The following ARVCF variants were observed in gnomAD, a reference collection of about 807,000 sequenced individuals.
ARVCF encodes splicing regulator ARVCF.
A neutral mutation model predicts 90.9 loss-of-function variants in ARVCF; 66 were observed. That is an observed-to-expected ratio of 0.73 (90% CI 0.60 to 0.89). The LOEUF (loss-of-function observed/expected upper bound fraction) is 0.89. Ranked by LOEUF, ARVCF falls within the 40% of genes least tolerant of loss-of-function variation. The pLI is 0.00. For synonymous variants in ARVCF, 653 were observed against 603.4 expected (o/e 1.08, Z -1.21); for missense variants, 1,469 against 1,382.3 (o/e 1.06, Z -1.00).
intron 2 of ARVCF, among the ~76,000 whole-genome samples, chr22:20,004,992 TAG>T (rs1274963524): frequency 6.6e-6 from 1 of 152,184 alleles, no homozygotes; most frequent in Non-Finnish European, 1.5e-5. Context: ...AATGATATCT[TAG>T]ATAAGATACC....
At chr22:19,986,585 A>C (rs1457766154) in intron 3 of ARVCF, 9 of 153,892 alleles carry the variant, frequency 5.8e-5, no homozygotes, top group African/African-American at 2.2e-4. Context: ...AGGTCCCGGG[A>C]GTCAGAGCCG....
chr22:19,967,564 G>T, downstream of ARVCF: 1 of 368,836 alleles, frequency 2.7e-6, no homozygotes, highest in South Asian at 2.1e-5. Context: ...GGAAACGACC[G>T]CCACCCACCA....
chr22:20,013,321 T>C (rs1008710727), intron 1 of ARVCF, among the ~76,000 whole-genome samples: 1 of 152,232 alleles, frequency 6.6e-6, no homozygotes, highest in African/African-American at 2.4e-5. Context: ...ACTGCACTTT[T>C]GGGGCTACGC....
At chr22:19,994,010 G>A (rs1944128389) in intron 2 of ARVCF, among the ~76,000 whole-genome samples, 3 of 152,190 alleles carry the variant, frequency 2.0e-5, no homozygotes, top group Admixed American at 6.5e-5. Context: ...CATGGCAGGA[G>A]AAGAGGGTGG....
Position 19,973,322 on chromosome 22 carries a change from G to A in ARVCF, c.2240-5C>T, listed in dbSNP as rs1256230261. On this transcript the variant is annotated splice_region_variant and splice_polypyrimidine_tract_variant and intron_variant, in intron 13 of 19. Coordinates refer to ENST00000263207, the MANE Select transcript of ARVCF (RefSeq NM_001670.3). Reference sequence around the variant, plus strand: ...GCTCAGCCATGGCGTAGCTCCCTGAGGGGCAGGACTAGGTGTCAGAACACA... The same window carrying A: ...GCTCAGCCATGGCGTAGCTCCCTGAAGGGCAGGACTAGGTGTCAGAACACA... 2 of 1,590,998 alleles carry A rather than the reference G, an allele frequency of 1.3e-6. No individual in the cohort carries two copies. Among genetic ancestry groups the A allele is most frequent in the East Asian group, 2.3e-5 (1 of 44,176 alleles).
chr22:20,006,493 G>GGT lies in ARVCF; in HGVS notation c.-19+3960_-19+3961dup, dbSNP rs1944631065. Among the ~76,000 whole-genome samples the GGT allele has an allele frequency of 4.0e-5, 6 of 148,602 alleles. No individual in the cohort carries two copies. The South Asian group carries it at 1.1e-3, about 27-fold the overall frequency. ...ACTTGGGAGGCTGAGGCAGGAGAATGGTGTGAACCCAGGAGGCGGAGCTTG... is the reference window on the plus strand; with the variant it reads ...ACTTGGGAGGCTGAGGCAGGAGAATGGTGTGTGAACCCAGGAGGCGGAGCTTG... On this transcript the variant is annotated intron_variant, in intron 2 of 19. Transcript: ENST00000263207.
intron 2 of ARVCF, among the ~76,000 whole-genome samples, chr22:20,000,168 T>C (rs887529932): frequency 1.3e-5 from 2 of 152,212 alleles, no homozygotes; most frequent in Non-Finnish European, 2.9e-5. Flanking sequence ...GAGCCCACCC[T>C]GTCATATGCA....
chr22:19,991,863 C>T (rs557022939), intron 2 of ARVCF, among the ~76,000 whole-genome samples: 3 of 152,370 alleles, frequency 2.0e-5, no homozygotes, highest in South Asian at 2.1e-4. Context: ...TGAGCATGGC[C>T]GGGTGCCCAG....
Position 19,972,843 on chromosome 22 carries a change from C to CA in ARVCF, c.2551-17dup, listed in dbSNP as rs1334570470. The CA allele has an allele frequency of 6.2e-7, 1 of 1,613,596 alleles. No homozygotes were observed. Among genetic ancestry groups the CA allele is most frequent in the Non-Finnish European group, 8.5e-7 (1 of 1,179,790 alleles). ...CAGCAGCTGACTGAGACATAAAACACAGACACAGGGTGGGTGAAGCACATG... is the reference window on the plus strand; with the variant it reads ...CAGCAGCTGACTGAGACATAAAACACAAGACACAGGGTGGGTGAAGCACATG... On this transcript the variant is annotated splice_polypyrimidine_tract_variant and intron_variant, in intron 15 of 19. Coordinates refer to ENST00000263207, the MANE Select transcript of ARVCF (RefSeq NM_001670.3).
chr22:19,968,746 CG>C (rs755852074), downstream of ARVCF: 15 of 1,608,056 alleles, frequency 9.3e-6, no homozygotes, highest in Admixed American at 2.3e-4. Context: ...ACTGCCCCCC[CG>C]GCCCCCCTCT....
intron 2 of ARVCF, among the ~76,000 whole-genome samples, chr22:20,000,267 G>A (rs932128643): frequency 3.9e-5 from 6 of 152,220 alleles, no homozygotes; most frequent in African/African-American, 1.4e-4. Flanking sequence ...GGTGCCTGGG[G>A]CACCGCTCAT....
intron 11 of ARVCF, 90 bp from the exon 12 acceptor site, chr22:19,974,329 G>C: frequency 1.4e-6 from 2 of 1,440,020 alleles, no homozygotes; most frequent in Non-Finnish European, 1.8e-6. Flanking sequence ...AGCTCCCAGG[G>C]CGTGGGTGAG....
chr22:19,973,461 A>C (rs1942962357), intron 13 of ARVCF, 144 bp from the exon 14 acceptor site: 1 of 1,323,888 alleles, frequency 7.6e-7, no homozygotes, highest in African/African-American at 1.5e-5. Context: ...CCCTGTGAGC[A>C]GGGCGCTGAG....
chr22:20,006,720 C>T (rs540156578), intron 2 of ARVCF, among the ~76,000 whole-genome samples: 1 of 151,658 alleles, frequency 6.6e-6, no homozygotes, highest in South Asian at 2.1e-4. Context: ...CAACTTCCGC[C>T]TCCTGGGTTC....
intron 2 of ARVCF, among the ~76,000 whole-genome samples, chr22:19,995,058 T>C (rs1944193483): frequency 6.6e-6 from 1 of 151,412 alleles, no homozygotes; most frequent in South Asian, 2.1e-4. Context: ...GGTTTACAGA[T>C]GAATGGATGG....
At chr22:19,978,860 T>A in intron 7 of ARVCF, 37 bp downstream of exon 7, 1 of 1,584,010 alleles carries the variant, frequency 6.3e-7, no homozygotes, top group East Asian at 2.3e-5. Context: ...CGGGGCCTGG[T>A]GTGCATGTGG....
Position 19,979,977 on chromosome 22 carries a change from C to T in ARVCF, c.1162G>A (p.Glu388Lys). The T allele has an allele frequency of 6.3e-7, 1 of 1,596,196 alleles. No homozygotes were observed. The highest frequency in any genetic ancestry group is 1.1e-5 in the South Asian group (1 of 88,890). ...ACACGCCGCTTGACACCCTCGTTCTCAAAGCACAGATGCTGCAGGTAGGCG... is the reference window on the plus strand; with the variant it reads ...ACACGCCGCTTGACACCCTCGTTCTTAAAGCACAGATGCTGCAGGTAGGCG... Reference protein sequence around the residue: ...AAAYLQHLCFENEGVKRRVRQ... With the variant: ...AAAYLQHLCFKNEGVKRRVRQ... Residue 388 changes from glutamate (E) to lysine (K), a missense_variant, in exon 6 of 20, where the codon GAG (glutamate) becomes AAG (lysine). Glu to Lys is a moderately conservative substitution (Grantham distance 56, BLOSUM62 1). Coordinates refer to ENST00000263207, the MANE Select transcript of ARVCF (RefSeq NM_001670.3).
intron 1 of ARVCF, among the ~76,000 whole-genome samples, chr22:20,015,837 A>T (rs914718407): frequency 2.0e-5 from 3 of 152,106 alleles, no homozygotes; most frequent in African/African-American, 7.2e-5. Flanking sequence ...GTTCCATTTT[A>T]AGTATGTTAC....
chr22:19,977,917 T>C, intron 8 of ARVCF, 41 bp downstream of exon 8: 1 of 1,550,982 alleles, frequency 6.4e-7, no homozygotes, highest in Non-Finnish European at 8.7e-7. Flanking sequence ...CATGATCGTC[T>C]CTCCAGCCCT....
Sources: gnomAD v4.1 joint callset for allele counts (sites outside exome capture counted in the v4.1 genomes callset) on GRCh38, gnomAD v4.1.1 for gene constraint, MANE v1.5 for transcripts, NCBI Gene and HGNC (gene_info 2026-07-23, HGNC 2026-07-21) for gene names.